SSBP3: variants seen among roughly 807,000 people sequenced by gnomAD.
SSBP3 encodes the protein single stranded DNA binding protein 3.
In SSBP3, 5 loss-of-function variants were observed where a neutral mutation model predicts 69.6. That is an observed-to-expected ratio of 0.07 (90% CI 0.04 to 0.15). The LOEUF (loss-of-function observed/expected upper bound fraction) is 0.15, where lower values mean the gene tolerates loss of function less well. Among genes scored for constraint, SSBP3 ranks in the 10% least tolerant of loss-of-function variants. The pLI, the probability that SSBP3 is intolerant of heterozygous loss-of-function variation, is 1.00. For missense variants in SSBP3, 312 were observed against 534.0 expected, an observed-to-expected ratio of 0.58 and a Z score of 4.10; for synonymous variants, 196 against 193.4, an observed-to-expected ratio of 1.01 and a Z score of -0.11.
chr1:54,239,335 T>C lies in SSBP3; in HGVS notation c.857-136A>G, dbSNP rs1570221548. The C allele has an allele frequency of 2.2e-5, 15 of 676,982 alleles. No individual in the cohort carries two copies. In the East Asian group the frequency reaches 4.0e-4, roughly 18 times the overall value. 41.9% of individuals were successfully genotyped at this position (676,982 alleles called of 1,614,324 possible). ...CTAAGTACCACCATTTTCTGGCTAATTTGTATTTAATGAAGATTCACAAAG... is the reference window on the plus strand; with the variant it reads ...CTAAGTACCACCATTTTCTGGCTAACTTGTATTTAATGAAGATTCACAAAG... On this transcript the variant is annotated intron_variant, in intron 13 of 17. Coordinates refer to ENST00000610401, the Ensembl canonical transcript of SSBP3.
At chr1:54,257,312 T>C (rs1644938953) in intron 6 of SSBP3, 126 bp from the exon 7 acceptor site, 1 of 802,400 alleles carries the variant, frequency 1.2e-6, no homozygotes. Flanking sequence ...TTTCTCCTGC[T>C]AGCCTCTTCC....
At chr1:54,413,384 T>G (rs1650040611) in exon 1 of SSBP3, 1 of 152,262 alleles carries the variant, frequency 6.6e-6, no homozygotes, top group Non-Finnish European at 1.5e-5. Context: ...GCAGCTCTGC[T>G]TCAGGGTACA....
intron 4 of SSBP3, among the ~76,000 whole-genome samples, chr1:54,401,073 A>G (rs1649255995): frequency 6.6e-6 from 1 of 152,232 alleles, no homozygotes. Flanking sequence ...CATCTCCCCA[A>G]GACAGATCCT....
At chr1:54,405,226 C>G (rs1180978819) in intron 1 of SSBP3, among the ~76,000 whole-genome samples, 1 of 152,222 alleles carries the variant, frequency 6.6e-6, no homozygotes, top group African/African-American at 2.4e-5. Context: ...GCAAGCCACT[C>G]GACCCCACAG....
chr1:54,409,827 G>A (rs1258666955), upstream of SSBP3, among the ~76,000 whole-genome samples: 2 of 151,898 alleles, frequency 1.3e-5, no homozygotes, highest in Non-Finnish European at 2.9e-5. Flanking sequence ...GCTGTTCTAG[G>A]CCTTGGGAGA....
intron 4 of SSBP3, among the ~76,000 whole-genome samples, chr1:54,305,076 T>C (rs1007409487): frequency 3.3e-5 from 5 of 152,190 alleles, no homozygotes; most frequent in Non-Finnish European, 5.9e-5. Context: ...AGAGACCATG[T>C]ATGCCTGGCG....
At chr1:54,336,923 C>A (rs1187365785) in intron 4 of SSBP3, among the ~76,000 whole-genome samples, 1 of 152,170 alleles carries the variant, frequency 6.6e-6, no homozygotes, top group East Asian at 1.9e-4. Flanking sequence ...CAACATCATG[C>A]CCAGGGTGTG....
chr1:54,399,230 G>A (rs993980474), intron 4 of SSBP3, among the ~76,000 whole-genome samples: 3 of 152,258 alleles, frequency 2.0e-5, no homozygotes, highest in Non-Finnish European at 2.9e-5. Context: ...ACAACCCTAA[G>A]TGAGAAGTTA....
intron 9 of SSBP3, among the ~76,000 whole-genome samples, chr1:54,244,421 T>C (rs1644698799): frequency 6.7e-6 from 1 of 150,136 alleles, no homozygotes; most frequent in African/African-American, 2.4e-5. Flanking sequence ...AATTTTTAAA[T>C]TTTTTTGTAG....
chr1:54,272,388 T>C (rs1645208932), intron 5 of SSBP3, among the ~76,000 whole-genome samples: 1 of 151,952 alleles, frequency 6.6e-6, no homozygotes, highest in African/African-American at 2.4e-5. Context: ...GGGTCTATCC[T>C]GATCCATGTC....
intron 3 of SSBP3, 73 bp downstream of exon 3, chr1:54,404,503 C>A (rs374073148): frequency 4.4e-5 from 69 of 1,574,196 alleles, no homozygotes; most frequent in Non-Finnish European, 5.6e-5. Flanking sequence ...CTCCAAGCCT[C>A]CCTTCTTTGT....
At chr1:54,383,029 A>T (rs1330864380) in intron 4 of SSBP3, among the ~76,000 whole-genome samples, 1 of 149,944 alleles carries the variant, frequency 6.7e-6, no homozygotes. Context: ...GAAAGAAAGA[A>T]AAGAAAGAAA....
rs1646687923 is a variant in SSBP3 at position 54,346,208 on chromosome 1, C to G, written c.276+55653G>C. Among the ~76,000 whole-genome samples, 4 of 151,234 alleles carry G rather than the reference C, an allele frequency of 2.6e-5. 1 individual carries two copies. In the South Asian group the frequency reaches 8.4e-4, roughly 32 times the overall value. On this transcript the variant is annotated intron_variant, in intron 4 of 17. Transcript: ENST00000610401. ...GGCGCGGCACCATGTGCTTGTAGTA[C>G]CATCTACTCAGGAGGCTAAGGCAGG...
At chr1:54,287,735 G>T (rs1645517142) in intron 4 of SSBP3, among the ~76,000 whole-genome samples, 1 of 152,146 alleles carries the variant, frequency 6.6e-6, no homozygotes, top group Admixed American at 6.5e-5. Flanking sequence ...GCGACCGGGG[G>T]AATGTCATCA....
At chr1:54,406,070 G>GCCGCC in exon 1 of SSBP3, 4 of 1,004,590 alleles carry the variant, frequency 4.0e-6, no homozygotes, top group Non-Finnish European at 5.5e-6. Context: ...CTACCGCTCC[G>GCCGCC]GCTCTCCCGA....
intron 10 of SSBP3, among the ~76,000 whole-genome samples, chr1:54,242,498 C>G (rs369456403): frequency 6.6e-6 from 1 of 152,206 alleles, no homozygotes; most frequent in Non-Finnish European, 1.5e-5. Context: ...AGTCCACATT[C>G]TCACAACAGG....
At chr1:54,318,263 A>C (rs1437397834) in intron 4 of SSBP3, among the ~76,000 whole-genome samples, 1 of 152,192 alleles carries the variant, frequency 6.6e-6, no homozygotes, top group East Asian at 1.9e-4. Flanking sequence ...CAAACCAGGC[A>C]TGCAGGCTTT....
chr1:54,397,022 G>A (rs1241003409), intron 4 of SSBP3, among the ~76,000 whole-genome samples: 3 of 152,330 alleles, frequency 2.0e-5, no homozygotes, highest in African/African-American at 7.2e-5. Context: ...GCTTAAAGAG[G>A]GGCTGCAACC....
chr1:54,277,932 A>G (rs1229553755), intron 5 of SSBP3, among the ~76,000 whole-genome samples: 1 of 149,416 alleles, frequency 6.7e-6, no homozygotes, highest in African/African-American at 2.5e-5. Flanking sequence ...AGCTGCGTGG[A>G]AAAAAAAAAT....
Sources: allele counts gnomAD v4.1 joint callset (sites outside exome capture counted in the v4.1 genomes callset), GRCh38; gene constraint gnomAD v4.1.1; transcripts MANE v1.5; gene names NCBI Gene and HGNC (gene_info 2026-07-23, HGNC 2026-07-21).